The following FTCDNL1 variants were observed in gnomAD, a reference collection of about 807,000 sequenced individuals.
FTCDNL1 encodes formiminotransferase cyclodeaminase N-terminal like, also known as formiminotransferase N-terminal subdomain-containing protein.
In FTCDNL1, 11 loss-of-function variants were observed where a neutral mutation model predicts 5.9. The observed-to-expected ratio is 1.87, with a 90% CI of 1.18 to 3.10. FTCDNL1 has a LOEUF of 3.10. Ranked by LOEUF, FTCDNL1 falls within the 30% of genes most tolerant of loss-of-function variation. FTCDNL1 has a pLI of 0.00. For synonymous variants in FTCDNL1, 58 were observed against 24.8 expected, an observed-to-expected ratio of 2.34 and a Z score of -3.99; for missense variants, 115 against 65.5, an observed-to-expected ratio of 1.76 and a Z score of -2.61.
At chr2:199,678,496 G>A in the FTCDNL1 span, among the ~76,000 whole-genome samples, 2 of 151,892 alleles carry the variant, frequency 1.3e-5, no homozygotes, top group Non-Finnish European at 2.9e-5. Flanking sequence ...TATTATATAA[G>A]CCATATTTTT....
intron 3 of FTCDNL1, among the ~76,000 whole-genome samples, chr2:199,776,617 T>C (rs1321353917): frequency 1.3e-5 from 2 of 152,188 alleles, no homozygotes; most frequent in Non-Finnish European, 1.5e-5. Flanking sequence ...AAGTCAACTG[T>C]GCAAGGGAAG....
At chr2:199,805,205 A>C (rs2106420062), downstream of FTCDNL1, among the ~76,000 whole-genome samples, 1 of 152,268 alleles carries the variant, frequency 6.6e-6, no homozygotes, top group Admixed American at 6.5e-5. Context: ...ACCATCCTCC[A>C]CCCCTGCAGC....
chr2:199,710,969 AT>A, the FTCDNL1 span, among the ~76,000 whole-genome samples: 2,358 of 151,832 alleles, frequency 0.016, 65 homozygotes, highest in African/African-American at 0.054. Flanking sequence ...AAATGCACTG[AT>A]TTTTTTTTAA....
the FTCDNL1 span, among the ~76,000 whole-genome samples, chr2:199,720,552 T>C: frequency 6.6e-6 from 1 of 152,202 alleles, no homozygotes; most frequent in African/African-American, 2.4e-5. Context: ...CCTCTGCCAG[T>C]TTCTGTGGCT....
intron 3 of FTCDNL1, among the ~76,000 whole-genome samples, chr2:199,783,597 T>A (rs187676712): frequency 5.9e-5 from 9 of 152,218 alleles, no homozygotes; most frequent in African/African-American, 2.2e-4. Context: ...ATCAATAAAT[T>A]CTCCCTTATC....
the FTCDNL1 span, among the ~76,000 whole-genome samples, chr2:199,701,829 A>G: frequency 6.6e-6 from 1 of 152,084 alleles, no homozygotes; most frequent in Non-Finnish European, 1.5e-5. Context: ...GAGGCCAGGA[A>G]TTTGAGACCA....
rs2076798819 is a variant in FTCDNL1, at chr2:199,848,854, TG to T, written c.108del (p.Asp36GlufsTer28). The T allele has an allele frequency of 1.4e-6, 1 of 700,116 alleles. No individual in the cohort carries two copies. The highest frequency in any genetic ancestry group is 1.7e-5 in the African/African-American group (1 of 57,184). 43.4% of individuals were successfully genotyped at this position (700,116 alleles called of 1,614,324 possible). On this transcript the variant is annotated frameshift_variant, in exon 2 of 5. Coordinates refer to ENST00000420128, the MANE Select transcript of FTCDNL1 (RefSeq NM_001363886.2). LOFTEE classifies it high-confidence loss of function. ...AATTGTCTGTTTTTCCTACCATTTT[TG>T]TCAAGAAGAGCTGCTTTTGCTATGT... Reference protein sequence around the residue: ...VENIAKAALLDKNGKKHPQVS... With the variant: ...VENIAKAALLXKNGKKHPQVS...
In FTCDNL1 at chr2:199,830,269, T is replaced by C. The variant is rs113521793; in HGVS notation, c.212-10512A>G. Among the ~76,000 whole-genome samples the C allele has an allele frequency of 8.7e-3, 1,318 of 152,288 alleles. 9 individuals are homozygous for C. Among genetic ancestry groups the C allele is most frequent in the Non-Finnish European group, 0.014 (924 of 68,020 alleles). ...CCCTAAAAGTTTTTGCCTAAACTCA[T>C]GCACATAAACTAAAACTGGCCGATT... On this transcript the variant is annotated intron_variant, in intron 3 of 4. Transcript: ENST00000420128.
Position 199,779,999 on chromosome 2 carries a change from G to A in FTCDNL1, c.212-19164C>T, listed in dbSNP as rs75503514. ...AAAGTACCACCTCTTATCACGTGCC[G>A]ACAGCTAGCCCTGATGAAATAAAAA... On this transcript the variant is annotated intron_variant, in intron 3 of 3. Transcript: ENST00000416668. Among the ~76,000 whole-genome samples, 16 of 152,262 alleles carry A rather than the reference G, an allele frequency of 1.1e-4. No individual in the cohort carries two copies. The East Asian group carries it at 2.1e-3, about 20-fold the overall frequency.
At chr2:199,831,723 T>C (rs10203122) in intron 3 of FTCDNL1, among the ~76,000 whole-genome samples, 24,524 of 151,982 alleles carry the variant, frequency 0.16, 2,267 homozygotes, top group East Asian at 0.3. Context: ...GGAATGAGAG[T>C]AGTGATCAGA....
rs191164215 is a variant in FTCDNL1, at chr2:199,792,112, T to C, written c.212-31277A>G. 3.5e-3 allele frequency among the ~76,000 whole-genome samples: 526 copies of C among 151,148 alleles called. 4 individuals carry two copies. Among genetic ancestry groups the C allele is most frequent in the Middle Eastern group, 0.01 (3 of 294 alleles). ...AAAAAAAAAATCACAGTAAATTTTG[T>C]TGAAAAGAAAAAGCAAATGGTGGGA... On this transcript the variant is annotated intron_variant, in intron 3 of 3. Transcript: ENST00000416668.
chr2:199,818,434 G>A (rs1701483574), intron 4 of FTCDNL1: 1 of 152,022 alleles, frequency 6.6e-6, no homozygotes, highest in Non-Finnish European at 1.5e-5. Flanking sequence ...GTACTGTGTT[G>A]GGCACTTTAC....
chr2:199,846,260 T>C (rs566770442), intron 2 of FTCDNL1, 90 bp from the exon 3 acceptor site: 15 of 588,486 alleles, frequency 2.5e-5, no homozygotes, highest in Admixed American at 8.7e-5. Flanking sequence ...TAAATTTAGC[T>C]TAGTGGAAAA....
the FTCDNL1 span, among the ~76,000 whole-genome samples, chr2:199,704,690 C>T: frequency 6.6e-6 from 1 of 151,986 alleles, no homozygotes; most frequent in Non-Finnish European, 1.5e-5. Context: ...AAAGTTAGGA[C>T]CCTTAAAAAC....
chr2:199,714,344 T>C, the FTCDNL1 span, among the ~76,000 whole-genome samples: 1 of 151,972 alleles, frequency 6.6e-6, no homozygotes, highest in Admixed American at 6.6e-5. Flanking sequence ...AAAAAAATTA[T>C]GTCCAAAATT....
At chr2:199,842,788 TC>T (rs1392105532) in intron 3 of FTCDNL1, among the ~76,000 whole-genome samples, 1 of 152,186 alleles carries the variant, frequency 6.6e-6, no homozygotes, top group African/African-American at 2.4e-5. Context: ...TTGCCCTTTG[TC>T]CAGAGAAAGT....
chr2:199,845,318 GC>G (rs2076702181), intron 3 of FTCDNL1, among the ~76,000 whole-genome samples: 1 of 152,054 alleles, frequency 6.6e-6, no homozygotes, highest in Non-Finnish European at 1.5e-5. Context: ...TATAATCCCA[GC>G]ACTTTGGGAG....
At chr2:199,814,209 C>A (rs1701214195) in intron 4 of FTCDNL1, among the ~76,000 whole-genome samples, 1 of 152,176 alleles carries the variant, frequency 6.6e-6, no homozygotes, top group African/African-American at 2.4e-5. Context: ...TGAAACAGGA[C>A]ATTTGATGAC....
At chr2:199,837,065 A>T (rs10497841) in intron 3 of FTCDNL1, among the ~76,000 whole-genome samples, 2 of 151,930 alleles carry the variant, frequency 1.3e-5, no homozygotes, top group East Asian at 1.9e-4. Context: ...TGGAAGATTA[A>T]GTTTGTTTAT....
Sources: allele counts gnomAD v4.1 joint callset (sites outside exome capture counted in the v4.1 genomes callset), GRCh38; gene constraint gnomAD v4.1.1; transcripts MANE v1.5; gene names NCBI Gene and HGNC (gene_info 2026-07-23, HGNC 2026-07-21).